The following AOX1 variants were observed in gnomAD, a reference collection of about 807,000 sequenced individuals.
AOX1 encodes the protein aldehyde oxidase.
In AOX1, 153 loss-of-function variants were observed where a neutral mutation model predicts 169.5. The ratio of observed to expected loss-of-function variants is 0.90; its 90% CI spans 0.79 to 1.03. The LOEUF (loss-of-function observed/expected upper bound fraction) is 1.03. Ranked by LOEUF, AOX1 falls within the 50% of genes least tolerant of loss-of-function variation. AOX1 has a pLI of 0.00. For missense variants in AOX1, 1,656 were observed against 1,663.9 expected (o/e 1.00, Z 0.08); for synonymous variants, 562 against 581.9 (o/e 0.97, Z 0.49).
At chr2:200,624,981 G>A (rs1257010049) in intron 19 of AOX1, among the ~76,000 whole-genome samples, 1 of 152,216 alleles carries the variant, frequency 6.6e-6, no homozygotes, top group African/African-American at 2.4e-5. Flanking sequence ...GGCACGATCA[G>A]TGTCTCCAGG....
intron 26 of AOX1, among the ~76,000 whole-genome samples, chr2:200,651,949 A>C (rs1352509090): frequency 6.6e-6 from 1 of 152,158 alleles, no homozygotes; most frequent in Non-Finnish European, 1.5e-5. Context: ...TATTACATAC[A>C]CACATCCATG....
At chr2:200,667,827 TAAAATCAGAG>T (rs1559263480) in intron 32 of AOX1, among the ~76,000 whole-genome samples, 1 of 152,054 alleles carries the variant, frequency 6.6e-6, no homozygotes, top group Non-Finnish European at 1.5e-5. Context: ...AAGACTGATC[TAAAATCAGAG>T]TCCAGAGATG....
chr2:200,612,840 C>T, intron 14 of AOX1, 47 bp downstream of exon 14: 4 of 1,499,540 alleles, frequency 2.7e-6, no homozygotes, highest in Non-Finnish European at 3.6e-6. Context: ...TCCTTAGACT[C>T]CAAGTATTAG....
At chr2:200,614,424 G>A (rs888997511) in intron 15 of AOX1, among the ~76,000 whole-genome samples, 1 of 152,302 alleles carries the variant, frequency 6.6e-6, no homozygotes, top group African/African-American at 2.4e-5. Flanking sequence ...ATGCGTCATT[G>A]TAGGAAAAGG....
At chr2:200,644,176 C>T (rs2035408133) in intron 25 of AOX1, among the ~76,000 whole-genome samples, 2 of 152,174 alleles carry the variant, frequency 1.3e-5, no homozygotes, top group South Asian at 4.1e-4. Context: ...ATGTTATCTT[C>T]TAGAATTTTA....
intron 21 of AOX1, 43 bp downstream of exon 21, chr2:200,634,958 C>T: frequency 6.2e-7 from 1 of 1,601,658 alleles, no homozygotes; most frequent in East Asian, 2.2e-5. Flanking sequence ...TAAATGATTT[C>T]TGGCCAGTGA....
intron 16 of AOX1, among the ~76,000 whole-genome samples, chr2:200,617,271 C>CCA (rs1225957493): frequency 6.6e-6 from 1 of 152,048 alleles, no homozygotes; most frequent in East Asian, 1.9e-4. Flanking sequence ...ATACAAACAT[C>CCA]CACATTGCTA....
At chr2:200,632,633 T>TAAA (rs34032166) in intron 20 of AOX1, among the ~76,000 whole-genome samples, 35 of 150,360 alleles carry the variant, frequency 2.3e-4, no homozygotes, top group African/African-American at 5.8e-4. Context: ...TTTCTTCATT[T>TAAA]AAAAAAAAAA....
At chr2:200,606,264 TG>T (rs2034511653) in intron 10 of AOX1, among the ~76,000 whole-genome samples, 1 of 152,218 alleles carries the variant, frequency 6.6e-6, no homozygotes, top group Non-Finnish European at 1.5e-5. Context: ...TGCTTGTTTT[TG>T]TCAAGTTTGT....
At chr2:200,664,506 A>G (rs1028006178) in intron 31 of AOX1, among the ~76,000 whole-genome samples, 21 of 152,368 alleles carry the variant, frequency 1.4e-4, no homozygotes, top group African/African-American at 4.1e-4. Flanking sequence ...TTATATTCCT[A>G]TATATGCATT....
Position 200,621,185 on chromosome 2 carries a change from T to C in AOX1, c.1940T>C (p.Leu647Pro), listed in dbSNP as rs1342691638. The change falls in exon 18 of 35, where the codon CTT (leucine) becomes CCT (proline). Residue 647 changes from leucine (L) to proline (P), a missense_variant. Leu to Pro is a moderately conservative substitution (Grantham distance 98, BLOSUM62 -3). Transcript: ENST00000374700. ...GTGGACATCATGACAGCAGAACATC[T>C]TAGTGACGTCAACTCCTTCTGCTTT... ...GVVDIMTAEH[L>P]SDVNSFCFFT... 2 of 1,614,172 alleles carry C rather than the reference T, an allele frequency of 1.2e-6. No individual in the cohort carries two copies. Among genetic ancestry groups the C allele is most frequent in the Non-Finnish European group, 8.5e-7 (1 of 1,180,008 alleles).
chr2:200,659,967 A>G (rs745573391), intron 28 of AOX1, 28 bp from the exon 29 acceptor site: 76 of 1,565,220 alleles, frequency 4.9e-5, no homozygotes, highest in Non-Finnish European at 6.4e-5. Flanking sequence ...AATTAGGAGC[A>G]TAATTTTAAT....
chr2:200,677,443 C>T (rs1190124796), downstream of AOX1, among the ~76,000 whole-genome samples: 1 of 152,178 alleles, frequency 6.6e-6, no homozygotes, highest in Admixed American at 6.5e-5. Flanking sequence ...CCCACTTCCT[C>T]CCACAGCTCT....
chr2:200,659,951 G>A, intron 28 of AOX1, 44 bp from the exon 29 acceptor site: 1 of 1,457,686 alleles, frequency 6.9e-7, no homozygotes, highest in Non-Finnish European at 9.6e-7. Context: ...TTTGGTGTTT[G>A]CATGAAATTA....
chr2:200,595,138 A>G lies in AOX1; in HGVS notation c.104-134A>G, dbSNP rs190955836. 68 of 491,172 alleles carry G rather than the reference A, an allele frequency of 1.4e-4. No individual in the cohort carries two copies. In the Middle Eastern group the frequency reaches 1.6e-3, roughly 12 times the overall value. The allele number at this position is 491,172 out of a possible 1,614,324, so 30.4% of individuals were successfully genotyped here. A position where few individuals can be genotyped will look rare whatever the true frequency, so the allele number is the denominator to read the frequency against. The stretch of plus-strand genomic sequence containing the variant: ...TTCTATAATAGTAATTAAGACATAA[A>G]CACATTATTTGATGAATATGTATTG... On this transcript the variant is annotated intron_variant, in intron 2 of 34. Coordinates refer to ENST00000374700, the MANE Select transcript of AOX1 (RefSeq NM_001159.4).
chr2:200,619,966 T>A (rs1357525995), intron 16 of AOX1, among the ~76,000 whole-genome samples: 1 of 152,198 alleles, frequency 6.6e-6, no homozygotes, highest in African/African-American at 2.4e-5. Flanking sequence ...AGTAAAGTCA[T>A]TTTGATAATA....
downstream of AOX1, among the ~76,000 whole-genome samples, chr2:200,672,829 G>A (rs1438433655): frequency 6.6e-6 from 1 of 152,190 alleles, no homozygotes; most frequent in Non-Finnish European, 1.5e-5. Flanking sequence ...AGCTAAGCAG[G>A]TATCTGGAGG....
At chr2:200,651,845 C>T (rs2035586244) in intron 26 of AOX1, among the ~76,000 whole-genome samples, 1 of 152,100 alleles carries the variant, frequency 6.6e-6, no homozygotes. Flanking sequence ...TTCATTCATT[C>T]TTAAGAATGA....
chr2:200,670,598 GTTTGAACATCCAGATTTGTT>G lies in AOX1; in HGVS notation c.3967-27_3967-8del, dbSNP rs745599796. ...CACCTAAGTCACAAACATTTCCCAG[GTTTGAACATCCAGATTTGTT>G]TTTATTTTAGATTCCGAGAGATGAA... On this transcript the variant is annotated splice_polypyrimidine_tract_variant and intron_variant, in intron 34 of 34. Coordinates refer to ENST00000374700, the MANE Select transcript of AOX1 (RefSeq NM_001159.4). 6.3e-7 allele frequency: 1 copy of G among 1,597,684 alleles called. No individual in the cohort carries two copies. Among genetic ancestry groups the G allele is most frequent in the South Asian group, 1.1e-5 (1 of 90,600 alleles).
Sources: gnomAD v4.1 joint callset for allele counts (sites outside exome capture counted in the v4.1 genomes callset) on GRCh38, gnomAD v4.1.1 for gene constraint, MANE v1.5 for transcripts, NCBI Gene and HGNC (gene_info 2026-07-23, HGNC 2026-07-21) for gene names.